The following PLXNC1 variants were observed in gnomAD, a reference collection of about 807,000 sequenced individuals.
PLXNC1 encodes the protein plexin-C1.
A neutral mutation model predicts 178.2 loss-of-function variants in PLXNC1; 75 were observed. That is an observed-to-expected ratio of 0.42 (90% CI 0.35 to 0.51). The LOEUF (loss-of-function observed/expected upper bound fraction) is 0.51. Among genes scored for constraint, PLXNC1 ranks in the 20% least tolerant of loss-of-function variants. PLXNC1 has a pLI of 0.02. For synonymous variants in PLXNC1, 790 were observed against 779.9 expected (o/e 1.01, Z -0.22); for missense variants, 1,503 against 1,984.4 (o/e 0.76, Z 4.61).
rs574380702 is a variant in PLXNC1, at chr12:94,197,344, T to G, written c.1439+10871T>G. On this transcript the variant is annotated intron_variant, in intron 4 of 30. Transcript: ENST00000258526. ...GAGGACTCTGTCCTCATGAATGGAT[T>G]AATGACATTATCACAGGAGTGGGTT... Among the ~76,000 whole-genome samples the G allele has an allele frequency of 5.9e-5, 9 of 152,240 alleles. No homozygotes were observed. In the South Asian group the frequency reaches 1.9e-3, roughly 32 times the overall value.
At chr12:94,174,856 T>C (rs1253544370) in intron 2 of PLXNC1, among the ~76,000 whole-genome samples, 1 of 152,154 alleles carries the variant, frequency 6.6e-6, no homozygotes. Flanking sequence ...CTTCAAGTTC[T>C]CCCCACCTCA....
chr12:94,255,775 G>C (rs1189418632), intron 17 of PLXNC1: 1 of 161,472 alleles, frequency 6.2e-6, no homozygotes, highest in Non-Finnish European at 1.4e-5. Context: ...AATTGGAGTT[G>C]AAAACAGGCA....
At chr12:94,266,053 T>C (rs1965220419) in intron 21 of PLXNC1, among the ~76,000 whole-genome samples, 1 of 152,224 alleles carries the variant, frequency 6.6e-6, no homozygotes, top group Non-Finnish European at 1.5e-5. Context: ...CTTCACGATC[T>C]CGTTAGTGGA....
intron 4 of PLXNC1, among the ~76,000 whole-genome samples, chr12:94,201,329 A>C (rs889229847): frequency 6.6e-6 from 1 of 152,258 alleles, no homozygotes; most frequent in East Asian, 1.9e-4. Context: ...GCCAAAGGGC[A>C]TCTGGTCAAC....
intron 1 of PLXNC1, among the ~76,000 whole-genome samples, chr12:94,151,805 G>C (rs1960969663): frequency 6.6e-6 from 1 of 152,212 alleles, no homozygotes; most frequent in Non-Finnish European, 1.5e-5. Flanking sequence ...GGAAGACTCA[G>C]TTCCCTTCCA....
intron 4 of PLXNC1, among the ~76,000 whole-genome samples, chr12:94,193,124 G>A (rs1470456371): frequency 6.6e-6 from 1 of 152,156 alleles, no homozygotes; most frequent in Non-Finnish European, 1.5e-5. Context: ...CAAAGGCCAG[G>A]AGAGCTTGGC....
At chr12:94,228,582 C>A (rs142917876) in intron 9 of PLXNC1, among the ~76,000 whole-genome samples, 10 of 152,150 alleles carry the variant, frequency 6.6e-5, no homozygotes, top group Admixed American at 5.9e-4. Context: ...TCCTTCCCCC[C>A]AGCCCTTGGA....
chr12:94,201,585 T>G (rs1592759120), intron 4 of PLXNC1, among the ~76,000 whole-genome samples: 2 of 152,268 alleles, frequency 1.3e-5, no homozygotes, highest in South Asian at 4.1e-4. Flanking sequence ...CATGTCTTGC[T>G]TGAGGTCACC....
intron 2 of PLXNC1, among the ~76,000 whole-genome samples, chr12:94,176,823 T>A (rs1411982569): frequency 1.3e-5 from 2 of 151,956 alleles, no homozygotes; most frequent in African/African-American, 4.8e-5. Flanking sequence ...GTTATATATG[T>A]AAAAATACCT....
At chr12:94,265,289 A>G (rs74998442) in intron 21 of PLXNC1, 64 bp downstream of exon 21, 27,362 of 1,460,654 alleles carry the variant, frequency 0.019, 664 homozygotes, top group African/African-American at 0.12. Flanking sequence ...TTAGAGGGTG[A>G]GGTGGGTCAT....
intron 9 of PLXNC1, among the ~76,000 whole-genome samples, chr12:94,227,844 G>A (rs1167931671): frequency 1.3e-5 from 2 of 152,196 alleles, no homozygotes; most frequent in Non-Finnish European, 2.9e-5. Context: ...ACATGTCAAC[G>A]TAAACATTTC....
At position 94,259,688 on chromosome 12, in the gene PLXNC1, G is replaced by A; in HGVS notation, c.3205G>A (p.Val1069Ile). ...CTGTAATAAAAGCTTTCTTGTTACT[G>A]TCATCCACACCCTTGAAAAGCAGAA... ...LICNKSFLVT[V>I]IHTLEKQKNF... The change falls in exon 19 of 31, where the codon GTC becomes ATC. Residue 1069 changes from valine to isoleucine, a missense_variant. Val to Ile is a conservative substitution (Grantham distance 29). Coordinates refer to ENST00000258526, the MANE Select transcript of PLXNC1 (RefSeq NM_005761.3). The A allele has an allele frequency of 6.2e-7, 1 of 1,612,338 alleles. No individual in the cohort carries two copies.
At chr12:94,278,173 A>T (rs1430676516) in intron 21 of PLXNC1, 1 of 384,606 alleles carries the variant, frequency 2.6e-6, no homozygotes, top group Non-Finnish European at 5.2e-6. Context: ...AATTCCCATT[A>T]CTTGATCATT....
intron 5 of PLXNC1, among the ~76,000 whole-genome samples, chr12:94,210,897 A>G (rs1464012047): frequency 6.6e-6 from 1 of 152,236 alleles, no homozygotes; most frequent in Admixed American, 6.5e-5. Flanking sequence ...AGTCTGAAAA[A>G]TAGCCAAATT....
chr12:94,263,819 G>T lies in PLXNC1; in HGVS notation c.3451-1260G>T, dbSNP rs1965075400. Among the ~76,000 whole-genome samples, 3 of 152,258 alleles carry T rather than the reference G, an allele frequency of 2.0e-5. No homozygotes were observed. The South Asian group carries it at 6.2e-4, about 32-fold the overall frequency. On this transcript the variant is annotated intron_variant, in intron 20 of 30. Transcript: ENST00000258526. ...ATCACAGCAGGGATAGAAGCTGCAG[G>T]GTGGCAGGAGGTGGCAAGAGGAAGC...
At chr12:94,191,763 C>T (rs1190473456) in intron 4 of PLXNC1, among the ~76,000 whole-genome samples, 2 of 108,730 alleles carry the variant, frequency 1.8e-5, no homozygotes, top group African/African-American at 6.0e-5. Flanking sequence ...GAGTGAAACT[C>T]CATCTCAAAA....
At chr12:94,174,289 A>G (rs1266336854) in intron 2 of PLXNC1, among the ~76,000 whole-genome samples, 1 of 151,744 alleles carries the variant, frequency 6.6e-6, no homozygotes, top group Non-Finnish European at 1.5e-5. Context: ...GGCTTAAGCG[A>G]TCCTCCCACC....
rs1233806212 is a variant in PLXNC1 at position 94,299,569 on chromosome 12, T to C, written c.4238+774T>C. Among the ~76,000 whole-genome samples, 20 of 85,284 alleles carry C rather than the reference T, an allele frequency of 2.3e-4. No individual in the cohort carries two copies. The East Asian group carries it at 5.0e-3, about 21-fold the overall frequency. 55.9% of individuals were successfully genotyped at this position (85,284 alleles called of 152,430 possible). ...CTTCTCTTCCTGTGTTCTAGCCTCTTTTTTTTTGAGACAGGGTCTCACTCT... is the reference window on the plus strand; with the variant it reads ...CTTCTCTTCCTGTGTTCTAGCCTCTCTTTTTTTGAGACAGGGTCTCACTCT... On this transcript the variant is annotated intron_variant, in intron 27 of 30. Transcript: ENST00000258526.
intron 6 of PLXNC1, among the ~76,000 whole-genome samples, chr12:94,220,728 A>T (rs747503444): frequency 3.3e-5 from 5 of 152,218 alleles, no homozygotes; most frequent in Non-Finnish European, 7.3e-5. Flanking sequence ...CATGAGAAGC[A>T]CATGAAAAAT....
Sources: gnomAD v4.1 joint callset for allele counts (sites outside exome capture counted in the v4.1 genomes callset) on GRCh38, gnomAD v4.1.1 for gene constraint, MANE v1.5 for transcripts, NCBI Gene and HGNC (gene_info 2026-07-23, HGNC 2026-07-21) for gene names.